Variants in PITPNC1 observed in about 807,000 individuals in gnomAD.
The protein encoded by PITPNC1 is cytoplasmic phosphatidylinositol transfer protein 1.
PITPNC1 carries 18 observed loss-of-function variants against 44.7 expected under a neutral mutation model. The ratio of observed to expected loss-of-function variants is 0.40; its 90% confidence interval spans 0.28 to 0.60. PITPNC1 has a LOEUF of 0.60. PITPNC1 is among the 20% of genes least tolerant of loss of function. The pLI is 0.39. For missense variants in PITPNC1, 290 were observed against 418.4 expected (o/e 0.69, Z 2.68); for synonymous variants, 141 against 149.6 (o/e 0.94, Z 0.42).
intron 1 of PITPNC1, among the ~76,000 whole-genome samples, chr17:67,478,301 G>T (rs1347632742): frequency 3.3e-5 from 5 of 152,156 alleles, no homozygotes; most frequent in Non-Finnish European, 1.5e-5. Flanking sequence ...CTTTTGAAAA[G>T]AGATCTTTTT....
intron 1 of PITPNC1, among the ~76,000 whole-genome samples, chr17:67,460,517 G>T (rs1450003677): frequency 6.6e-6 from 1 of 151,234 alleles, no homozygotes; most frequent in Non-Finnish European, 1.5e-5. Context: ...TCTGTCTCTC[G>T]GGCTCAAGCA....
At chr17:67,385,226 C>T (rs755273720) in intron 1 of PITPNC1, among the ~76,000 whole-genome samples, 37 of 152,156 alleles carry the variant, frequency 2.4e-4, no homozygotes, top group Non-Finnish European at 4.7e-4. Flanking sequence ...ATACGCTAAT[C>T]AGCAGGCTGC....
intron 6 of PITPNC1, among the ~76,000 whole-genome samples, chr17:67,657,544 G>A (rs981349164): frequency 2.7e-5 from 4 of 150,714 alleles, no homozygotes; most frequent in Admixed American, 6.6e-5. Flanking sequence ...ATTGCCGAGT[G>A]CCTGTGATTT....
chr17:67,443,050 T>C (rs1043024474), intron 1 of PITPNC1, among the ~76,000 whole-genome samples: 1 of 151,950 alleles, frequency 6.6e-6, no homozygotes, highest in Admixed American at 6.6e-5. Context: ...AGTGATCATG[T>C]CACTTTCTTG....
chr17:67,379,388 T>C (rs913240795), intron 1 of PITPNC1: 1 of 985,052 alleles, frequency 1.0e-6, no homozygotes, highest in Non-Finnish European at 1.2e-6. Flanking sequence ...GGACCAAGGG[T>C]TAAGGTAAGA....
At chr17:67,540,365 A>C (rs1454859287) in intron 2 of PITPNC1, among the ~76,000 whole-genome samples, 1 of 152,146 alleles carries the variant, frequency 6.6e-6, no homozygotes, top group Non-Finnish European at 1.5e-5. Context: ...TTGGCCTCCC[A>C]AAGTGCTGGG....
chr17:67,681,054 G>C (rs2042694727), intron 8 of PITPNC1, among the ~76,000 whole-genome samples: 1 of 152,202 alleles, frequency 6.6e-6, no homozygotes, highest in Non-Finnish European at 1.5e-5. Context: ...TGCTGCAACT[G>C]TGTGGTACAA....
At chr17:67,504,530 C>G (rs1270528635) in intron 1 of PITPNC1, among the ~76,000 whole-genome samples, 1 of 152,206 alleles carries the variant, frequency 6.6e-6, no homozygotes, top group Non-Finnish European at 1.5e-5. Flanking sequence ...TAAAGTCTCT[C>G]TAGAACCCGT....
At chr17:67,540,621 A>G (rs1432303338) in intron 2 of PITPNC1, among the ~76,000 whole-genome samples, 2 of 152,176 alleles carry the variant, frequency 1.3e-5, no homozygotes, top group African/African-American at 4.8e-5. Flanking sequence ...ATGTAAGTGA[A>G]ATTCTCCACA....
At chr17:67,610,645 G>T (rs926846328) in intron 5 of PITPNC1, among the ~76,000 whole-genome samples, 1 of 152,064 alleles carries the variant, frequency 6.6e-6, no homozygotes, top group African/African-American at 2.4e-5. Context: ...AACATTAGCC[G>T]GGCGTGGTGG....
At chr17:67,410,911 C>T (rs374641365) in intron 1 of PITPNC1, among the ~76,000 whole-genome samples, 4 of 151,670 alleles carry the variant, frequency 2.6e-5, no homozygotes, top group South Asian at 2.1e-4. Context: ...GGTGAAACCC[C>T]GTCTCTACTA....
rs139707091 is a variant in PITPNC1 at position 67,410,668 on chromosome 17, G to A, written c.48+32466G>A. ...CCCAAAGCACTGAGATTGCAGGGGTGAGCCACCAACCGCACGGGCCTGGTG... is the reference window on the plus strand; with the variant it reads ...CCCAAAGCACTGAGATTGCAGGGGTAAGCCACCAACCGCACGGGCCTGGTG... On this transcript the variant is annotated intron_variant, in intron 1 of 8. Transcript: ENST00000581322. Among the ~76,000 whole-genome samples the A allele has an allele frequency of 4.6e-5, 7 of 152,202 alleles. No individual in the cohort carries two copies. The East Asian group carries it at 1.4e-3, about 30-fold the overall frequency.
chr17:67,658,576 A>G (rs1382152158), intron 6 of PITPNC1, among the ~76,000 whole-genome samples: 4 of 152,178 alleles, frequency 2.6e-5, no homozygotes, highest in Non-Finnish European at 5.9e-5. Context: ...TGGTGTCTGC[A>G]TGCCTAATTC....
At position 67,617,096 on chromosome 17, in the gene PITPNC1, A is replaced by G. The variant is rs187449736; in HGVS notation, c.367-15047A>G. Reference sequence around the variant, plus strand: ...ACATTTAATAACAGAGAACCAAAAAAAGCCTAGTTGCCTTCATTCATGAAT... The same window carrying G: ...ACATTTAATAACAGAGAACCAAAAAGAGCCTAGTTGCCTTCATTCATGAAT... On this transcript the variant is annotated intron_variant, in intron 5 of 8. Transcript: ENST00000581322. 1.4e-4 allele frequency among the ~76,000 whole-genome samples: 22 copies of G among 152,348 alleles called. No individual in the cohort carries two copies. In the East Asian group the frequency reaches 3.5e-3, roughly 24 times the overall value.
In PITPNC1 at chr17:67,532,842, A is replaced by G. The variant is rs1363503408; in HGVS notation, c.89A>G (p.His30Arg). Residue 30 changes from histidine (H) to arginine (R), a missense_variant, in exon 2 of 9, where the codon CAT (histidine) becomes CGT (arginine). Coordinates refer to ENST00000581322, the MANE Select transcript of PITPNC1 (RefSeq NM_012417.4). ...GQLYMISKHS[H>R]EQSDRGEGVE... is the part of the protein sequence containing the mutation. ...CTGTACATGATCAGCAAACACAGCC[A>G]TGAACAGAGTGACCGGGGAGAAGGG... 6.3e-7 allele frequency: 1 copy of G among 1,585,744 alleles called. No homozygotes were observed. The highest frequency in any genetic ancestry group is 1.3e-5 in the African/African-American group (1 of 74,334).
intron 1 of PITPNC1, among the ~76,000 whole-genome samples, chr17:67,498,886 T>C (rs2039991157): frequency 6.6e-6 from 1 of 151,776 alleles, no homozygotes; most frequent in Non-Finnish European, 1.5e-5. Flanking sequence ...TTGTTTTTTT[T>C]TTTGAGATGG....
At chr17:67,598,630 C>A (rs913580753) in intron 5 of PITPNC1, among the ~76,000 whole-genome samples, 1 of 152,104 alleles carries the variant, frequency 6.6e-6, no homozygotes, top group African/African-American at 2.4e-5. Flanking sequence ...TGGCTTATAC[C>A]TGTAATCCTA....
rs182674322 is a variant in PITPNC1, at chr17:67,411,802, G to A, written c.48+33600G>A. 5.9e-5 allele frequency among the ~76,000 whole-genome samples: 9 copies of A among 151,988 alleles called. No individual in the cohort carries two copies. The East Asian group carries it at 1.7e-3, about 29-fold the overall frequency. Reference sequence around the variant, plus strand: ...TACTTAATAAGGGCTAAGCACTTATGTATATTAATTTGTTTAATCTACACA... The same window carrying A: ...TACTTAATAAGGGCTAAGCACTTATATATATTAATTTGTTTAATCTACACA... On this transcript the variant is annotated intron_variant, in intron 1 of 8. Coordinates refer to ENST00000581322, the MANE Select transcript of PITPNC1 (RefSeq NM_012417.4).
rs2042966059 is a variant in PITPNC1, at chr17:67,693,631, C to T, written c.*743C>T. On this transcript the variant is annotated 3_prime_UTR_variant, in exon 9 of 9. Coordinates refer to ENST00000581322, the MANE Select transcript of PITPNC1 (RefSeq NM_012417.4). ...TTTTGGAATGGTTCAGTTTAGGAAC[C>T]AAGAGGCCCAGGTGAGGCAACATCT... 1 of 152,340 alleles carries T rather than the reference C, an allele frequency of 6.6e-6. No individual in the cohort carries two copies. The highest frequency in any genetic ancestry group is 1.5e-5 in the Non-Finnish European group (1 of 68,034). 9.4% of individuals were successfully genotyped at this position (152,340 alleles called of 1,614,324 possible).
Sources: allele counts gnomAD v4.1 joint callset (sites outside exome capture counted in the v4.1 genomes callset), GRCh38; gene constraint gnomAD v4.1.1; transcripts MANE v1.5; gene names NCBI Gene and HGNC (gene_info 2026-07-23, HGNC 2026-07-21).